Variants in SLC4A10 observed in about 807,000 individuals in gnomAD.
The protein encoded by SLC4A10 is sodium-driven chloride bicarbonate exchanger.
In SLC4A10, 42 loss-of-function variants were observed where a neutral mutation model predicts 137.7. The observed-to-expected ratio is 0.30, with a 90% confidence interval of 0.24 to 0.39. The LOEUF (loss-of-function observed/expected upper bound fraction) is 0.39, where lower values mean the gene tolerates loss of function less well. Ranked by LOEUF, SLC4A10 falls within the 10% of genes least tolerant of loss-of-function variation. The pLI is 1.00. For missense variants in SLC4A10, 925 were observed against 1,355.0 expected, an observed-to-expected ratio of 0.68 and a Z score of 4.98; for synonymous variants, 474 against 464.1, an observed-to-expected ratio of 1.02 and a Z score of -0.27.
chr2:161,786,673 T>A (rs912903014), intron 2 of SLC4A10, among the ~76,000 whole-genome samples: 9 of 151,544 alleles, frequency 5.9e-5, no homozygotes, highest in Non-Finnish European at 1.2e-4. Flanking sequence ...TTTGTTCCAA[T>A]CATAGTATTG....
chr2:161,639,362 A>C (rs2034950607), intron 1 of SLC4A10, among the ~76,000 whole-genome samples: 1 of 152,154 alleles, frequency 6.6e-6, no homozygotes, highest in South Asian at 2.1e-4. Flanking sequence ...ATGAACATAT[A>C]CATAAAAATC....
intron 1 of SLC4A10, among the ~76,000 whole-genome samples, chr2:161,703,128 G>A (rs1374814532): frequency 6.6e-6 from 1 of 151,614 alleles, no homozygotes; most frequent in Non-Finnish European, 1.5e-5. Context: ...TTTACCCAAA[G>A]CCTCAAAAAC....
At chr2:161,899,685 T>G (rs62188818) in intron 11 of SLC4A10, among the ~76,000 whole-genome samples, 10,406 of 152,214 alleles carry the variant, frequency 0.068, 455 homozygotes, top group East Asian at 0.13. Flanking sequence ...GCTTGCTTTC[T>G]GAGACCTGTG....
chr2:161,810,631 G>A (rs1488086953), intron 3 of SLC4A10, among the ~76,000 whole-genome samples: 5 of 151,900 alleles, frequency 3.3e-5, no homozygotes, highest in African/African-American at 1.2e-4. Flanking sequence ...TAACCATATG[G>A]TTTTGATTTT....
At chr2:161,900,035 T>G (rs1427369335) in intron 11 of SLC4A10, among the ~76,000 whole-genome samples, 3 of 152,124 alleles carry the variant, frequency 2.0e-5, no homozygotes, top group Admixed American at 6.6e-5. Context: ...TTTGGAATGG[T>G]GGTCAAGTAA....
chr2:161,904,551 C>T (rs992807005), intron 13 of SLC4A10, among the ~76,000 whole-genome samples: 2 of 152,172 alleles, frequency 1.3e-5, no homozygotes, highest in Non-Finnish European at 2.9e-5. Flanking sequence ...GCAACAGAGA[C>T]GTGAGATAGG....
chr2:161,885,042 G>A (rs1213587177), intron 10 of SLC4A10, among the ~76,000 whole-genome samples: 1 of 152,168 alleles, frequency 6.6e-6, no homozygotes, highest in Non-Finnish European at 1.5e-5. Context: ...GCTGGGTGTG[G>A]TGGCAGGTGC....
chr2:161,787,120 A>G (rs2053716034), intron 2 of SLC4A10, among the ~76,000 whole-genome samples: 2 of 151,998 alleles, frequency 1.3e-5, no homozygotes, highest in South Asian at 4.1e-4. Context: ...TCTCATGGTG[A>G]TGAATTTTCT....
At chr2:161,793,879 G>A (rs893979120) in intron 2 of SLC4A10, among the ~76,000 whole-genome samples, 3 of 151,986 alleles carry the variant, frequency 2.0e-5, no homozygotes, top group African/African-American at 7.2e-5. Context: ...GATTATGCAT[G>A]TTTTTCTTTT....
In SLC4A10 at chr2:161,918,961, C is replaced by T. The variant is rs116643488; in HGVS notation, c.1997+13074C>T. On this transcript the variant is annotated intron_variant, in intron 15 of 26. Coordinates refer to ENST00000446997, the MANE Select transcript of SLC4A10 (RefSeq NM_001178015.2). ...AGCCATTGCTGCAGACCCAGGCATCCCTGTGCTCTCAGGGCCTGGAAAGCC... is the reference window on the plus strand; with the variant it reads ...AGCCATTGCTGCAGACCCAGGCATCTCTGTGCTCTCAGGGCCTGGAAAGCC... Among the ~76,000 whole-genome samples, 241 of 152,314 alleles carry T rather than the reference C, an allele frequency of 1.6e-3. 1 individual carries two copies. The highest frequency in any genetic ancestry group is 5.5e-3 in the African/African-American group (229 of 41,572).
At chr2:161,808,270 T>A (rs2056202297) in intron 3 of SLC4A10, among the ~76,000 whole-genome samples, 1 of 152,162 alleles carries the variant, frequency 6.6e-6, no homozygotes, top group African/African-American at 2.4e-5. Flanking sequence ...TTCGATTTAT[T>A]TTGATCCCTC....
intron 3 of SLC4A10, among the ~76,000 whole-genome samples, chr2:161,833,500 C>G (rs2058570574): frequency 6.6e-6 from 1 of 152,150 alleles, no homozygotes; most frequent in African/African-American, 2.4e-5. Context: ...TAGATAAATT[C>G]TTGTGGTCAG....
At chr2:161,824,500 T>G (rs759949836) in intron 3 of SLC4A10, among the ~76,000 whole-genome samples, 3 of 151,806 alleles carry the variant, frequency 2.0e-5, no homozygotes, top group Admixed American at 6.6e-5. Flanking sequence ...AAGGTGGGGG[T>G]AAAAGGTATC....
intron 2 of SLC4A10, among the ~76,000 whole-genome samples, chr2:161,790,748 C>A (rs951780763): frequency 4.6e-5 from 7 of 152,050 alleles, no homozygotes; most frequent in Non-Finnish European, 7.4e-5. Context: ...GGAACAAGAA[C>A]TAAATAAGAG....
intron 1 of SLC4A10, among the ~76,000 whole-genome samples, chr2:161,652,795 T>C (rs1053975592): frequency 2.6e-5 from 4 of 151,964 alleles, no homozygotes; most frequent in Non-Finnish European, 5.9e-5. Context: ...TATTCTTTTT[T>C]TTTTTTTTGA....
At chr2:161,814,636 G>A (rs1396002751) in intron 3 of SLC4A10, among the ~76,000 whole-genome samples, 2 of 152,042 alleles carry the variant, frequency 1.3e-5, no homozygotes, top group African/African-American at 4.8e-5. Context: ...TACAACTGGA[G>A]GTCATTATCC....
chr2:161,983,216 A>C lies in SLC4A10; in HGVS notation c.*64A>C. The C allele has an allele frequency of 6.5e-7, 1 of 1,536,742 alleles. No homozygotes were observed. Among genetic ancestry groups the C allele is most frequent in the South Asian group, 1.2e-5 (1 of 84,050 alleles). On this transcript the variant is annotated 3_prime_UTR_variant, in exon 27 of 27. Transcript: ENST00000446997. ...AAAAGAGAAGAAAGCTGACTCAGGG[A>C]AAGGTGTTGACAGGGAGACTTGTCT...
At chr2:161,755,335 C>A (rs369064341) in intron 1 of SLC4A10, among the ~76,000 whole-genome samples, 2 of 152,096 alleles carry the variant, frequency 1.3e-5, no homozygotes, top group African/African-American at 4.8e-5. Flanking sequence ...AGATTAATTT[C>A]TTTTACAAAC....
chr2:161,813,578 TTTCTCA>T (rs2056763229), intron 3 of SLC4A10, among the ~76,000 whole-genome samples: 1 of 152,128 alleles, frequency 6.6e-6, no homozygotes, highest in Non-Finnish European at 1.5e-5. Context: ...TTGGCATATT[TTTCTCA>T]TTCAAGTTCC....
Sources: gnomAD v4.1 joint callset for allele counts (sites outside exome capture counted in the v4.1 genomes callset) on GRCh38, gnomAD v4.1.1 for gene constraint, MANE v1.5 for transcripts, NCBI Gene and HGNC (gene_info 2026-07-23, HGNC 2026-07-21) for gene names.